The following ACAP2 variants were observed in gnomAD, a reference collection of about 807,000 sequenced individuals.
The protein encoded by ACAP2 is ArfGAP with coiled-coil, ankyrin repeat and PH domains 2.
A neutral mutation model predicts 115.8 loss-of-function variants in ACAP2; 39 were observed. The ratio of observed to expected loss-of-function variants is 0.34; its 90% CI spans 0.26 to 0.44. ACAP2 has a LOEUF of 0.44. ACAP2 is among the 20% of genes least tolerant of loss of function. ACAP2 has a pLI of 1.00. For synonymous variants in ACAP2, 289 were observed against 315.8 expected (o/e 0.92, Z 0.90); for missense variants, 662 against 927.6 (o/e 0.71, Z 3.72).
chr3:195,379,699 G>A (rs1454724146), intron 4 of ACAP2, among the ~76,000 whole-genome samples: 1 of 152,200 alleles, frequency 6.6e-6, no homozygotes, highest in African/African-American at 2.4e-5. Context: ...AGCCAATTGG[G>A]AGGCTACAGT....
chr3:195,338,094 G>A (rs1006743746), intron 6 of ACAP2, among the ~76,000 whole-genome samples: 1 of 152,180 alleles, frequency 6.6e-6, no homozygotes, highest in Non-Finnish European at 1.5e-5. Flanking sequence ...AAAGGTCTAT[G>A]CTAGCTTCTT....
chr3:195,292,583 C>G, intron 18 of ACAP2, 131 bp from the exon 19 acceptor site: 1 of 820,950 alleles, frequency 1.2e-6, no homozygotes, highest in Non-Finnish European at 1.9e-6. Flanking sequence ...AAAGATAGCA[C>G]ACTAATGGGA....
Position 195,443,009 on chromosome 3 carries a change from A to T in ACAP2, c.-162T>A, listed in dbSNP as rs887126474. On this transcript the variant is annotated 5_prime_UTR_variant, in exon 1 of 23. Transcript: ENST00000326793. ...GGTCATAGCAGCCGCGAAGACGGCG[A>T]CGACTAGTCAGGCCCCAGTCCCGCC... The T allele has an allele frequency of 3.6e-6, 2 of 562,382 alleles. No homozygotes were observed. The highest frequency in any genetic ancestry group is 4.0e-5 in the African/African-American group (2 of 50,048). The allele number at this position is 562,382 out of a possible 1,614,324, so 34.8% of individuals were successfully genotyped here. A position where few individuals can be genotyped will look rare whatever the true frequency, so the allele number is the denominator to read the frequency against.
chr3:195,284,614 A>C (rs1726723750), intron 22 of ACAP2, among the ~76,000 whole-genome samples: 1 of 152,218 alleles, frequency 6.6e-6, no homozygotes, highest in African/African-American at 2.4e-5. Flanking sequence ...CTGAGGAAAG[A>C]ACGGCCTCAC....
At chr3:195,441,490 G>A (rs1219811550) in intron 1 of ACAP2, among the ~76,000 whole-genome samples, 1 of 152,130 alleles carries the variant, frequency 6.6e-6, no homozygotes, top group Admixed American at 6.5e-5. Context: ...AAGGGCAAAC[G>A]CAAAAAGCGT....
At chr3:195,365,219 C>G (rs894356684) in intron 4 of ACAP2, among the ~76,000 whole-genome samples, 1 of 152,048 alleles carries the variant, frequency 6.6e-6, no homozygotes, top group Non-Finnish European at 1.5e-5. Flanking sequence ...GCTAGCACAA[C>G]AAGGTGACTA....
rs1727716088 is a variant in ACAP2 at position 195,297,287 on chromosome 3, T to C, written c.1396-6A>G. 6.2e-7 allele frequency: 1 copy of C among 1,601,626 alleles called. No individual in the cohort carries two copies. On this transcript the variant is annotated splice_region_variant and splice_polypyrimidine_tract_variant and intron_variant, in intron 15 of 22. Coordinates refer to ENST00000326793, the MANE Select transcript of ACAP2 (RefSeq NM_012287.6). ...TTCCCCAACTCACACATAAGCTGTT[T>C]GGCAAAAAAAAATAGAAAAATAAGC...
intron 9 of ACAP2, among the ~76,000 whole-genome samples, chr3:195,322,011 C>A (rs529893559): frequency 2.4e-4 from 37 of 152,256 alleles, no homozygotes; most frequent in Admixed American, 3.9e-4. Flanking sequence ...TTGAAGTGGG[C>A]AAGTTGAACT....
intron 4 of ACAP2, among the ~76,000 whole-genome samples, chr3:195,377,686 A>T (rs1244390639): frequency 6.6e-6 from 1 of 152,208 alleles, no homozygotes; most frequent in Non-Finnish European, 1.5e-5. Context: ...ACAAAACAAC[A>T]AAAAGGCCAG....
intron 22 of ACAP2, among the ~76,000 whole-genome samples, chr3:195,282,928 C>T (rs1414632634): frequency 6.6e-6 from 1 of 152,156 alleles, no homozygotes; most frequent in Non-Finnish European, 1.5e-5. Context: ...GCTAATTTTG[C>T]TCTTGAAATG....
chr3:195,356,007 C>A (rs1413739841), intron 4 of ACAP2: 2 of 429,094 alleles, frequency 4.7e-6, no homozygotes, highest in Non-Finnish European at 9.6e-6. Flanking sequence ...CCAAATCTGA[C>A]AACCACCTAC....
Position 195,291,798 on chromosome 3 carries a change from A to C in ACAP2, c.1971T>G (p.Cys657Trp). 6.2e-7 allele frequency: 1 copy of C among 1,613,344 alleles called. No individual in the cohort carries two copies. Among genetic ancestry groups the C allele is most frequent in the Non-Finnish European group, 8.5e-7 (1 of 1,179,752 alleles). The change falls in exon 20 of 23, where the codon TGT becomes TGG. Residue 657 changes from cysteine to tryptophan, a missense_variant. By Grantham distance (215) the Cys-to-Trp change is radical. This residue lies in a region of ACAP2 where 128 missense variants were observed against 200.2 expected (regional missense o/e 0.64). Coordinates refer to ENST00000326793, the MANE Select transcript of ACAP2 (RefSeq NM_012287.6). The stretch of plus-strand genomic sequence containing the variant: ...TAGCACCATTCTGTAGGAGGAACTC[A>C]CACGTCACCAAAGAGCCCTTAAAGG... ...QAVLGGSLVT[C>W]EFLLQNGANV... is the part of the protein sequence containing the mutation.
intron 1 of ACAP2, among the ~76,000 whole-genome samples, chr3:195,435,198 A>G (rs1715441398): frequency 6.6e-6 from 1 of 150,938 alleles, no homozygotes; most frequent in Non-Finnish European, 1.5e-5. Context: ...TTTTTTAGAC[A>G]GAGTCTCACT....
At chr3:195,365,175 T>C (rs932372646) in intron 4 of ACAP2, among the ~76,000 whole-genome samples, 7 of 152,078 alleles carry the variant, frequency 4.6e-5, no homozygotes, top group African/African-American at 1.4e-4. Flanking sequence ...GGGTACAAAA[T>C]ACAGTTAGAA....
intron 4 of ACAP2, among the ~76,000 whole-genome samples, chr3:195,361,684 A>T (rs1732380200): frequency 6.6e-6 from 1 of 152,182 alleles, no homozygotes; most frequent in South Asian, 2.1e-4. Context: ...TAAAGACCAG[A>T]GCAGAAATAA....
chr3:195,392,177 T>G (rs1734724851), intron 1 of ACAP2, 30 bp from the exon 2 acceptor site: 6 of 1,559,766 alleles, frequency 3.8e-6, no homozygotes, highest in Non-Finnish European at 4.4e-6. Context: ...AATAAGTTAT[T>G]TCGTTTGTTT....
Position 195,320,827 on chromosome 3 carries a change from C to T in ACAP2, c.745-14G>A. On this transcript the variant is annotated splice_polypyrimidine_tract_variant and intron_variant, in intron 9 of 22. Transcript: ENST00000326793. ...ACTGGAGAAATCCTACACAAAATAA[C>T]ACATAAAGAAGTTCATATGACTTGA... is the stretch of plus-strand genomic sequence containing the variant. 2 of 1,576,760 alleles carry T rather than the reference C, an allele frequency of 1.3e-6. No homozygotes were observed. Among genetic ancestry groups the T allele is most frequent in the East Asian group, 2.2e-5 (1 of 44,552 alleles).
chr3:195,299,197 T>G lies in ACAP2; in HGVS notation c.1396-1916A>C, dbSNP rs143489420. On this transcript the variant is annotated intron_variant, in intron 15 of 22. Transcript: ENST00000326793. ...AACCTTATTTACAAGAAATTTAATG[T>G]AAGGCAAAGGAAAAATAAGAAAATG... Among the ~76,000 whole-genome samples, 5 of 152,246 alleles carry G rather than the reference T, an allele frequency of 3.3e-5. No homozygotes were observed. The East Asian group carries it at 9.6e-4, about 29-fold the overall frequency.
At chr3:195,441,607 A>C (rs949802493) in intron 1 of ACAP2, among the ~76,000 whole-genome samples, 2 of 152,240 alleles carry the variant, frequency 1.3e-5, no homozygotes, top group Non-Finnish European at 2.9e-5. Context: ...GAGAACAGTT[A>C]GTTCCCAGGC....
Sources: allele counts gnomAD v4.1 joint callset (sites outside exome capture counted in the v4.1 genomes callset), GRCh38; gene constraint gnomAD v4.1.1; regional missense constraint gnomAD v4.1.1; transcripts MANE v1.5; gene names NCBI Gene and HGNC (gene_info 2026-07-23, HGNC 2026-07-21).